The following RBM6 variants were observed in gnomAD, a reference collection of about 807,000 sequenced individuals.
The protein encoded by RBM6 is RNA-binding protein 6.
Under a neutral mutation model 140.4 loss-of-function variants are expected in RBM6, and 23 were observed. The ratio of observed to expected loss-of-function variants is 0.16; its 90% confidence interval spans 0.12 to 0.23. The LOEUF is 0.23. RBM6 is among the 10% of genes least tolerant of loss of function. RBM6 has a pLI of 1.00. For synonymous variants in RBM6, 439 were observed against 475.6 expected, an observed-to-expected ratio of 0.92 and a Z score of 1.00; for missense variants, 1,139 against 1,386.7, an observed-to-expected ratio of 0.82 and a Z score of 2.84.
chr3:50,010,158 A>G (rs1285581703), intron 6 of RBM6, among the ~76,000 whole-genome samples: 1 of 152,136 alleles, frequency 6.6e-6, no homozygotes, highest in East Asian at 1.9e-4. Context: ...AAGTGCTGGG[A>G]TTACAGGCGT....
At chr3:49,940,828 T>C (rs1017295838) in intron 1 of RBM6, 7 of 151,708 alleles carry the variant, frequency 4.6e-5, no homozygotes, top group African/African-American at 1.5e-4. Flanking sequence ...GCGGTGTAAA[T>C]AGATGTTTTT....
chr3:49,945,297 C>T (rs2083440603), intron 1 of RBM6, among the ~76,000 whole-genome samples: 1 of 151,876 alleles, frequency 6.6e-6, no homozygotes, highest in Admixed American at 6.6e-5. Flanking sequence ...CTCACCTCAC[C>T]CTCTTAAGTA....
In RBM6 at chr3:49,967,908, C is replaced by A. The variant is rs112249551; in HGVS notation, c.483C>A (p.His161Gln). 28 of 1,613,720 alleles carry A rather than the reference C, an allele frequency of 1.7e-5. No homozygotes were observed. The highest frequency in any genetic ancestry group is 2.2e-5 in the Non-Finnish European group (26 of 1,179,832). The change falls in exon 3 of 21, where the codon CAC (histidine) becomes CAA (glutamine). Residue 161 changes from histidine to glutamine, a missense_variant. His to Gln is a conservative substitution (Grantham distance 24). This residue lies in a region of RBM6 where 566 missense variants were observed against 612.7 expected (regional missense o/e 0.92). Transcript: ENST00000266022. The surrounding 1 kb of genome is among the most constrained non-coding windows in gnomAD (Gnocchi z 4.0). The part of the protein sequence containing the change: ...PHMNYRDRDA[H>Q]AVDFRGRDAP... ...TGAACTACAGAGACAGGGATGCTCACGCTGTTGACTTCAGAGGTAGGGATG... is the reference window on the plus strand; with the variant it reads ...TGAACTACAGAGACAGGGATGCTCAAGCTGTTGACTTCAGAGGTAGGGATG...
chr3:49,985,827 C>T (rs972130010), intron 5 of RBM6, among the ~76,000 whole-genome samples: 5 of 151,388 alleles, frequency 3.3e-5, no homozygotes, highest in Non-Finnish European at 7.4e-5. Context: ...AGGATGGTCT[C>T]GATCTCCTGA....
At chr3:50,049,049 G>A (rs2089346061) in intron 7 of RBM6, among the ~76,000 whole-genome samples, 1 of 149,778 alleles carries the variant, frequency 6.7e-6, no homozygotes, top group Non-Finnish European at 1.5e-5. Flanking sequence ...TGATCCACCT[G>A]CCTCAGCCTC....
chr3:50,037,503 GC>G (rs1187847727), intron 6 of RBM6, among the ~76,000 whole-genome samples: 2 of 152,054 alleles, frequency 1.3e-5, no homozygotes, highest in Non-Finnish European at 2.9e-5. Context: ...TATTTTCAAG[GC>G]ACTATTTCTG....
At chr3:50,048,498 T>G (rs1432455017) in intron 7 of RBM6, among the ~76,000 whole-genome samples, 179 bp downstream of exon 7, 1 of 152,190 alleles carries the variant, frequency 6.6e-6, no homozygotes, top group African/African-American at 2.4e-5. Context: ...CCTTCCCAGC[T>G]GCTACATGTG....
At chr3:49,987,689 A>G (rs924162392) in intron 5 of RBM6, among the ~76,000 whole-genome samples, 1 of 151,590 alleles carries the variant, frequency 6.6e-6, no homozygotes, top group Non-Finnish European at 1.5e-5. Context: ...CCTGGGCTAG[A>G]ATGCAATAAT....
chr3:50,052,229 T>G (rs989234662), intron 7 of RBM6, among the ~76,000 whole-genome samples: 6 of 152,152 alleles, frequency 3.9e-5, no homozygotes, highest in African/African-American at 1.4e-4. Flanking sequence ...CATCCCCAGC[T>G]AATTTTTGTA....
chr3:49,977,380 C>T (rs139437082), intron 5 of RBM6, among the ~76,000 whole-genome samples: 29 of 152,308 alleles, frequency 1.9e-4, no homozygotes, highest in African/African-American at 6.0e-4. Flanking sequence ...CTAAAATCAT[C>T]GGGCAGTTGT....
At position 50,005,495 on chromosome 3, in the gene RBM6, C is replaced by CAA. The variant is rs35202304; in HGVS notation, c.1557+5997_1557+5998dup. Among the ~76,000 whole-genome samples, 258 of 101,326 alleles carry CAA rather than the reference C, an allele frequency of 2.5e-3. 2 individuals are homozygous for CAA. Among genetic ancestry groups the CAA allele is most frequent in the Admixed American group, 6.0e-3 (58 of 9,690 alleles). The allele number at this position is 101,326 out of a possible 152,430, so 66.5% of individuals were successfully genotyped here. On this transcript the variant is annotated intron_variant, in intron 6 of 20. Coordinates refer to ENST00000266022, the MANE Select transcript of RBM6 (RefSeq NM_005777.3). ...CCTGGGCGACAGAGAGATCCTGCCT[C>CAA]AAAAAAAAAAAAAAAAGCAACAGAG...
intron 1 of RBM6, among the ~76,000 whole-genome samples, chr3:49,946,427 A>G (rs978671529): frequency 6.6e-6 from 1 of 151,882 alleles, no homozygotes. Flanking sequence ...TTTAGTTGAG[A>G]TGGTGTTTCT....
intron 1 of RBM6, chr3:49,941,036 G>A (rs945125097): frequency 6.6e-6 from 1 of 151,856 alleles, no homozygotes; most frequent in African/African-American, 2.4e-5. Flanking sequence ...TAGACATGCA[G>A]ACATGGTCAC....
At position 49,989,500 on chromosome 3, in the gene RBM6, G is replaced by A. The variant is rs540564242; in HGVS notation, c.1484-9940G>A. ...TGAGGTAGGAGAATCGCTTGAACCCGGAAGGTGGAGGTTGCAGCTGAGATT... is the reference window on the plus strand; with the variant it reads ...TGAGGTAGGAGAATCGCTTGAACCCAGAAGGTGGAGGTTGCAGCTGAGATT... On this transcript the variant is annotated intron_variant, in intron 5 of 20. Coordinates refer to ENST00000266022, the MANE Select transcript of RBM6 (RefSeq NM_005777.3). Among the ~76,000 whole-genome samples, 248 of 152,204 alleles carry A rather than the reference G, an allele frequency of 1.6e-3. 1 individual carries two copies. Among genetic ancestry groups the A allele is most frequent in the Middle Eastern group, 3.4e-3 (1 of 294 alleles).
At chr3:50,073,577 T>C (rs1295188089) in intron 19 of RBM6, among the ~76,000 whole-genome samples, 3 of 152,202 alleles carry the variant, frequency 2.0e-5, no homozygotes, top group African/African-American at 7.2e-5. Flanking sequence ...GAGGGACACA[T>C]TTAAACCACA....
At chr3:49,940,467 T>A (rs936212006) in intron 1 of RBM6, 4 of 154,664 alleles carry the variant, frequency 2.6e-5, no homozygotes, top group Non-Finnish European at 4.4e-5. Context: ...CGGCAGTAGA[T>A]TACCGGTCCC....
intron 6 of RBM6, among the ~76,000 whole-genome samples, chr3:50,011,166 G>C (rs2086829641): frequency 6.6e-6 from 1 of 151,712 alleles, no homozygotes; most frequent in Non-Finnish European, 1.5e-5. Flanking sequence ...ATTCGAGTGA[G>C]CCATGATTAG....
intron 6 of RBM6, among the ~76,000 whole-genome samples, chr3:50,025,400 G>C (rs1366388307): frequency 6.6e-6 from 1 of 151,538 alleles, no homozygotes; most frequent in African/African-American, 2.4e-5. Flanking sequence ...TCCAGCCTGG[G>C]TGACAGAGCG....
intron 1 of RBM6, among the ~76,000 whole-genome samples, chr3:49,956,767 G>C (rs961052130): frequency 6.6e-6 from 1 of 152,010 alleles, no homozygotes; most frequent in Non-Finnish European, 1.5e-5. Flanking sequence ...CTGGGTTCAA[G>C]TGATTCTCCT....
Sources: gnomAD v4.1 joint callset for allele counts (sites outside exome capture counted in the v4.1 genomes callset) on GRCh38, gnomAD v4.1.1 for gene constraint, gnomAD v4.1.1 regional missense constraint, Gnocchi (gnomAD v3.1) non-coding constraint, MANE v1.5 for transcripts, NCBI Gene and HGNC (gene_info 2026-07-23, HGNC 2026-07-21) for gene names.